TET1: variants seen among roughly 807,000 people sequenced by gnomAD.
The protein encoded by TET1 is tet methylcytosine dioxygenase 1, also known as methylcytosine dioxygenase TET1.
In TET1, 13 loss-of-function variants were observed where a neutral mutation model predicts 148.7. That is an observed-to-expected ratio of 0.09 (90% CI 0.06 to 0.14). The LOEUF is 0.14. Among genes scored for constraint, TET1 ranks in the 10% least tolerant of loss-of-function variants. TET1 has a pLI of 1.00. For synonymous variants in TET1, 907 were observed against 937.2 expected (o/e 0.97, Z 0.59); for missense variants, 2,182 against 2,553.8 (o/e 0.85, Z 3.14).
intron 2 of TET1, among the ~76,000 whole-genome samples, chr10:68,598,569 T>C (rs1295688286): frequency 6.6e-6 from 1 of 152,198 alleles, no homozygotes; most frequent in Non-Finnish European, 1.5e-5. Flanking sequence ...TTCTTATAGA[T>C]AGTGTGGGCT....
intron 3 of TET1, among the ~76,000 whole-genome samples, chr10:68,611,468 A>T (rs1231843323): frequency 2.0e-5 from 3 of 151,552 alleles, no homozygotes; most frequent in Non-Finnish European, 2.9e-5. Flanking sequence ...CCTGGGCAAC[A>T]TAGCAAGACT....
At chr10:68,639,167 A>G (rs1244149141) in intron 3 of TET1, among the ~76,000 whole-genome samples, 1 of 151,624 alleles carries the variant, frequency 6.6e-6, no homozygotes, top group Admixed American at 6.6e-5. Flanking sequence ...TTTTCTTTTA[A>G]GACAGAGTTT....
At chr10:68,686,313 C>T (rs773124673) in intron 10 of TET1, 43 bp from the exon 11 acceptor site, 38 of 1,495,272 alleles carry the variant, frequency 2.5e-5, no homozygotes, top group Middle Eastern at 2.3e-4. Context: ...TGAATGTGCA[C>T]GACCCGTATA....
intron 3 of TET1, among the ~76,000 whole-genome samples, chr10:68,625,670 A>G (rs2054466979): frequency 6.6e-6 from 1 of 152,164 alleles, no homozygotes; most frequent in Non-Finnish European, 1.5e-5. Context: ...CCTTAATTGT[A>G]TGATTTTAAG....
chr10:68,630,321 T>G (rs2133022334), intron 3 of TET1, among the ~76,000 whole-genome samples: 1 of 152,296 alleles, frequency 6.6e-6, no homozygotes, highest in South Asian at 2.1e-4. Flanking sequence ...TTGTTGTTGT[T>G]GTTGTTTTGA....
chr10:68,670,605 A>T (rs895860880), intron 7 of TET1, among the ~76,000 whole-genome samples: 14 of 152,212 alleles, frequency 9.2e-5, no homozygotes, highest in African/African-American at 3.4e-4. Context: ...TTTCATTTTT[A>T]AAATAATAGT....
chr10:68,561,609 T>A (rs1012361657), intron 1 of TET1, among the ~76,000 whole-genome samples: 1 of 152,058 alleles, frequency 6.6e-6, no homozygotes, highest in Non-Finnish European at 1.5e-5. Context: ...GTGAGGGGCC[T>A]GGTCCTCGCT....
chr10:68,690,626 C>T (rs2055577166), intron 11 of TET1, among the ~76,000 whole-genome samples, 182 bp from the exon 12 acceptor site: 1 of 152,122 alleles, frequency 6.6e-6, no homozygotes, highest in South Asian at 2.1e-4. Context: ...AAAAATTATA[C>T]AAAACTACAT....
intron 3 of TET1, among the ~76,000 whole-genome samples, chr10:68,612,195 T>G (rs1046769608): frequency 2.6e-5 from 4 of 151,908 alleles, no homozygotes; most frequent in Admixed American, 6.6e-5. Context: ...GTTCAAGTGA[T>G]TCTCCTGTCT....
At chr10:68,600,114 C>A (rs564961593) in intron 2 of TET1, among the ~76,000 whole-genome samples, 1 of 152,322 alleles carries the variant, frequency 6.6e-6, no homozygotes, top group South Asian at 2.1e-4. Flanking sequence ...ACTGTCCTCA[C>A]ATAACCTCCC....
chr10:68,621,246 G>T (rs1358515027), intron 3 of TET1, among the ~76,000 whole-genome samples: 1 of 152,068 alleles, frequency 6.6e-6, no homozygotes, highest in Non-Finnish European at 1.5e-5. Flanking sequence ...TGTTGTTGTT[G>T]TTGTTGTTGT....
chr10:68,621,545 C>CACT (rs2132970748), intron 3 of TET1, among the ~76,000 whole-genome samples: 1 of 152,254 alleles, frequency 6.6e-6, no homozygotes, highest in South Asian at 2.1e-4. Flanking sequence ...CGCACCATTG[C>CACT]ACTCCAGCCT....
At chr10:68,618,162 A>T (rs1295785084) in intron 3 of TET1, among the ~76,000 whole-genome samples, 1 of 152,130 alleles carries the variant, frequency 6.6e-6, no homozygotes, top group Non-Finnish European at 1.5e-5. Context: ...ATAGTAAAAA[A>T]TGCTTATGGC....
intron 3 of TET1, among the ~76,000 whole-genome samples, chr10:68,627,545 G>A (rs1020208554): frequency 2.0e-5 from 3 of 152,106 alleles, no homozygotes; most frequent in Non-Finnish European, 4.4e-5. Context: ...GCAGTGAGCC[G>A]AGATCGTGCT....
At chr10:68,659,730 A>T (rs1330286672) in intron 6 of TET1, among the ~76,000 whole-genome samples, 3 of 152,134 alleles carry the variant, frequency 2.0e-5, no homozygotes, top group African/African-American at 7.2e-5. Context: ...TTCATTTTTT[A>T]AGGAAATTTT....
intron 7 of TET1, among the ~76,000 whole-genome samples, chr10:68,669,645 C>T (rs2055246107): frequency 6.6e-6 from 1 of 150,788 alleles, no homozygotes; most frequent in Non-Finnish European, 1.5e-5. Context: ...TGAGCCACCA[C>T]GTCCAGCCCA....
At chr10:68,621,840 G>A (rs1433289536) in intron 3 of TET1, among the ~76,000 whole-genome samples, 1 of 152,128 alleles carries the variant, frequency 6.6e-6, no homozygotes, top group African/African-American at 2.4e-5. Flanking sequence ...TAAAAGTTCT[G>A]TTTAAACCTG....
chr10:68,652,066 C>T (rs1564493199), intron 5 of TET1, 130 bp downstream of exon 5: 10 of 852,200 alleles, frequency 1.2e-5, no homozygotes, highest in Non-Finnish European at 1.8e-5. Flanking sequence ...TTTCTTAGGG[C>T]CCAACAAAAG....
rs536196641 is a variant in TET1, at chr10:68,593,046, C to T, written c.1915-7935C>T. 9.9e-5 allele frequency among the ~76,000 whole-genome samples: 15 copies of T among 151,774 alleles called. No homozygotes were observed. In the East Asian group the frequency reaches 2.5e-3, roughly 26 times the overall value. Reference sequence around the variant, plus strand: ...GTCAAGAGATCGAGACCATCCTGGCCAACATAGTGAAATCTCTACTAAATA... The same window carrying T: ...GTCAAGAGATCGAGACCATCCTGGCTAACATAGTGAAATCTCTACTAAATA... On this transcript the variant is annotated intron_variant, in intron 2 of 11. Coordinates refer to ENST00000373644, the MANE Select transcript of TET1 (RefSeq NM_030625.3).
Sources: allele counts gnomAD v4.1 joint callset (sites outside exome capture counted in the v4.1 genomes callset), GRCh38; gene constraint gnomAD v4.1.1; transcripts MANE v1.5; gene names NCBI Gene and HGNC (gene_info 2026-07-23, HGNC 2026-07-21).